Variants in ICE2 observed in about 807,000 individuals in gnomAD.
ICE2 encodes interactor of little elongation complex ELL subunit 2.
ICE2 carries 87 observed loss-of-function variants against 105.4 expected under a neutral mutation model. The ratio of observed to expected loss-of-function variants is 0.83; its 90% CI spans 0.69 to 0.99. ICE2 has a LOEUF of 0.99. ICE2 is among the 50% of genes least tolerant of loss of function. The pLI is 0.00. For missense variants in ICE2, 1,323 were observed against 1,146.7 expected (o/e 1.15, Z -2.22); for synonymous variants, 399 against 392.0 (o/e 1.02, Z -0.21).
At chr15:60,452,109 C>A in intron 9 of ICE2, 1 of 985,138 alleles carries the variant, frequency 1.0e-6, no homozygotes, top group Non-Finnish European at 1.2e-6. Context: ...CTTGTTACTG[C>A]CTGACATTCA....
intron 12 of ICE2, chr15:60,437,784 T>G (rs952945268): frequency 3.3e-5 from 5 of 151,760 alleles, no homozygotes; most frequent in African/African-American, 9.7e-5. Flanking sequence ...CCTGAGTAGC[T>G]AAGACTATAG....
intron 15 of ICE2, among the ~76,000 whole-genome samples, chr15:60,427,310 A>G (rs749921076): frequency 2.0e-5 from 3 of 152,270 alleles, no homozygotes; most frequent in Non-Finnish European, 1.5e-5. Flanking sequence ...TGAGAAGATA[A>G]TGACTCAGAC....
At chr15:60,427,352 A>T (rs2063359662) in intron 15 of ICE2, among the ~76,000 whole-genome samples, 1 of 152,254 alleles carries the variant, frequency 6.6e-6, no homozygotes, top group Non-Finnish European at 1.5e-5. Flanking sequence ...TTTGGCAGTA[A>T]GTAAGGAAAA....
intron 11 of ICE2, chr15:60,442,958 G>T (rs2063750197): frequency 6.5e-6 from 1 of 153,292 alleles, no homozygotes; most frequent in Admixed American, 6.5e-5. Context: ...GGATAAAAAA[G>T]GTAGAATTTT....
chr15:60,478,776 C>T, intron 1 of ICE2: 1 of 355,538 alleles, frequency 2.8e-6, no homozygotes, highest in East Asian at 8.1e-5. Context: ...TCGAGGAAGG[C>T]AAAAGAAACG....
intron 14 of ICE2, among the ~76,000 whole-genome samples, chr15:60,429,057 A>T (rs2063399151): frequency 2.0e-5 from 3 of 152,180 alleles, no homozygotes; most frequent in South Asian, 4.1e-4. Flanking sequence ...TTAACACTGC[A>T]ACTATTTTGT....
At chr15:60,443,635 T>C (rs538279285) in intron 11 of ICE2, among the ~76,000 whole-genome samples, 63 of 152,354 alleles carry the variant, frequency 4.1e-4, no homozygotes, top group Non-Finnish European at 3.5e-4. Context: ...CCAGGGACCA[T>C]ACTTTCAGTA....
In ICE2 at chr15:60,428,655, G is replaced by GC; in HGVS notation, c.2593dup (p.Ala865GlyfsTer11). 5.6e-6 allele frequency: 9 copies of GC among 1,614,024 alleles called. No individual in the cohort carries two copies. The highest frequency in any genetic ancestry group is 7.6e-6 in the Non-Finnish European group (9 of 1,179,956). On this transcript the variant is annotated frameshift_variant, in exon 15 of 16. Coordinates refer to ENST00000261520, the MANE Select transcript of ICE2 (RefSeq NM_024611.6). LOFTEE classifies it high-confidence loss of function. Reference sequence around the variant, plus strand: ...AATCAGGAGTGAAGAATCTTCTGCTGCATGAGATAACAAGTAGGAACCCTC... The same window carrying GC: ...AATCAGGAGTGAAGAATCTTCTGCTGCCATGAGATAACAAGTAGGAACCCTC...
At chr15:60,437,341 A>C (rs1437271325) in intron 12 of ICE2, among the ~76,000 whole-genome samples, 1 of 151,474 alleles carries the variant, frequency 6.6e-6, no homozygotes, top group Non-Finnish European at 1.5e-5. Context: ...TCCAAGTTTT[A>C]CTTTTTTTTT....
intron 3 of ICE2, among the ~76,000 whole-genome samples, chr15:60,473,786 T>C (rs542374467): frequency 3.9e-5 from 6 of 152,346 alleles, no homozygotes; most frequent in South Asian, 4.1e-4. Flanking sequence ...TAAATGTACA[T>C]ACATAGGGAG....
intron 1 of ICE2, 127 bp downstream of exon 1, chr15:60,478,876 G>A (rs1027567034): frequency 1.6e-5 from 7 of 438,620 alleles, no homozygotes; most frequent in East Asian, 7.3e-5. Flanking sequence ...GAGCCGCGCA[G>A]AGCCAGGAGC....
At chr15:60,445,475 C>T (rs141578035) in intron 11 of ICE2, 2 of 663,990 alleles carry the variant, frequency 3.0e-6, no homozygotes, top group African/African-American at 2.0e-5. Flanking sequence ...AAACCATAAA[C>T]TACTACATAT....
intron 5 of ICE2, among the ~76,000 whole-genome samples, chr15:60,457,455 C>T (rs572168739): frequency 6.2e-4 from 94 of 152,240 alleles, no homozygotes; most frequent in Non-Finnish European, 1.1e-3. Context: ...CACACATTAT[C>T]TTCTAAGATA....
intron 5 of ICE2, among the ~76,000 whole-genome samples, chr15:60,459,886 GT>G (rs1310452786): frequency 6.6e-6 from 1 of 151,608 alleles, no homozygotes; most frequent in Non-Finnish European, 1.5e-5. Flanking sequence ...CTCAAAAGGA[GT>G]TTAAAAAAAA....
At chr15:60,443,368 T>A (rs1041520768) in intron 11 of ICE2, among the ~76,000 whole-genome samples, 2 of 152,258 alleles carry the variant, frequency 1.3e-5, no homozygotes, top group Admixed American at 1.3e-4. Flanking sequence ...CATTATACTG[T>A]GTCACCATTT....
At chr15:60,450,785 T>C (rs1043371076) in intron 9 of ICE2, among the ~76,000 whole-genome samples, 14 of 152,160 alleles carry the variant, frequency 9.2e-5, no homozygotes, top group Non-Finnish European at 1.0e-4. Flanking sequence ...AGAAATTATA[T>C]ATAGAAAATC....
At chr15:60,444,255 T>A (rs961836117) in intron 11 of ICE2, among the ~76,000 whole-genome samples, 1 of 152,198 alleles carries the variant, frequency 6.6e-6, no homozygotes, top group Non-Finnish European at 1.5e-5. Flanking sequence ...AAATATGTAT[T>A]ATTTCTAAAA....
chr15:60,458,753 ACAC>A (rs767292378), intron 5 of ICE2, among the ~76,000 whole-genome samples: 5 of 152,160 alleles, frequency 3.3e-5, no homozygotes, highest in Admixed American at 2.0e-4. Flanking sequence ...ACACACACAC[ACAC>A]AACGGGATAT....
chr15:60,469,909 T>C (rs1232355352), intron 3 of ICE2, among the ~76,000 whole-genome samples: 1 of 152,216 alleles, frequency 6.6e-6, no homozygotes, highest in Non-Finnish European at 1.5e-5. Flanking sequence ...ATTCAGTTAT[T>C]GTAATCTACA....
Sources: allele counts gnomAD v4.1 joint callset (sites outside exome capture counted in the v4.1 genomes callset), GRCh38; gene constraint gnomAD v4.1.1; transcripts MANE v1.5; gene names NCBI Gene and HGNC (gene_info 2026-07-23, HGNC 2026-07-21).